The following RHOBTB1 variants were observed in gnomAD, a reference collection of about 807,000 sequenced individuals.
RHOBTB1 encodes rho-related BTB domain-containing protein 1.
Under a neutral mutation model 71.6 loss-of-function variants are expected in RHOBTB1, and 40 were observed. The ratio of observed to expected loss-of-function variants is 0.56; its 90% CI spans 0.43 to 0.73. The LOEUF (loss-of-function observed/expected upper bound fraction) is 0.73. Among genes scored for constraint, RHOBTB1 ranks in the 30% least tolerant of loss-of-function variants. The pLI is 0.00. For missense variants in RHOBTB1, 797 were observed against 894.0 expected (o/e 0.89, Z 1.38); for synonymous variants, 319 against 334.9 (o/e 0.95, Z 0.52).
At chr10:60,953,890 G>A (rs1329957944) in intron 2 of RHOBTB1, among the ~76,000 whole-genome samples, 3 of 151,988 alleles carry the variant, frequency 2.0e-5, no homozygotes, top group Admixed American at 2.0e-4. Flanking sequence ...CATTAATGAG[G>A]GACTGAGATA....
intron 2 of RHOBTB1, among the ~76,000 whole-genome samples, chr10:60,934,296 G>A (rs144490751): frequency 1.3e-5 from 2 of 152,250 alleles, no homozygotes; most frequent in East Asian, 1.9e-4. Flanking sequence ...CTGAGCAGAC[G>A]TCCCACTCAT....
intron 2 of RHOBTB1, among the ~76,000 whole-genome samples, chr10:60,962,068 A>G (rs1260444761): frequency 1.3e-5 from 2 of 152,112 alleles, no homozygotes; most frequent in Non-Finnish European, 2.9e-5. Context: ...TCGGCCTCTT[A>G]AAATGCTAGG....
chr10:60,926,198 C>A (rs1479571738), intron 2 of RHOBTB1, among the ~76,000 whole-genome samples: 3 of 152,156 alleles, frequency 2.0e-5, no homozygotes, highest in Non-Finnish European at 4.4e-5. Context: ...GATCGCACAA[C>A]TGCACTCCAG....
At chr10:60,866,880 T>C (rs10994552), downstream of RHOBTB1, among the ~76,000 whole-genome samples, 500 of 152,276 alleles carry the variant, frequency 3.3e-3, 2 homozygotes, top group African/African-American at 0.011. Flanking sequence ...CAGCATTTGG[T>C]TGAAGAGATT....
At chr10:60,895,441 G>A (rs1376740155) in intron 4 of RHOBTB1, among the ~76,000 whole-genome samples, 1 of 152,120 alleles carries the variant, frequency 6.6e-6, no homozygotes, top group African/African-American at 2.4e-5. Context: ...TTTTGCTCTT[G>A]TTGCCCAGGC....
intron 7 of RHOBTB1, among the ~76,000 whole-genome samples, chr10:60,883,279 AG>A (rs2081411035): frequency 1.3e-5 from 2 of 152,210 alleles, no homozygotes; most frequent in African/African-American, 2.4e-5. Context: ...TCTCTCCAGC[AG>A]GGTGTGCTAA....
intron 7 of RHOBTB1, among the ~76,000 whole-genome samples, chr10:60,881,940 C>G (rs1489597928): frequency 6.6e-6 from 1 of 151,958 alleles, no homozygotes; most frequent in Admixed American, 6.6e-5. Flanking sequence ...AGTGATGGCT[C>G]TTTTTGGCAA....
chr10:60,878,027 A>G lies in RHOBTB1; in HGVS notation c.1607T>C (p.Met536Thr). 1 of 1,613,008 alleles carries G rather than the reference A, an allele frequency of 6.2e-7. No individual in the cohort carries two copies. The highest frequency in any genetic ancestry group is 1.1e-5 in the South Asian group (1 of 90,776). The change falls in exon 8 of 11, where the codon ATG (methionine) becomes ACG (threonine). Residue 536 changes from methionine (M) to threonine (T), a missense_variant. Met to Thr is a moderately conservative substitution (Grantham distance 81). This residue lies in a region of RHOBTB1 where 658 missense variants were observed against 681.5 expected (regional missense o/e 0.97). Transcript: ENST00000337910. ...VYLPNINKIS[M>T]QAVLDYLYTK... ...ATAGAGATAATCCAATACTGCTTGCATTGATATCTTGTTTATGTTCGGGAG... is the reference window on the plus strand; with the variant it reads ...ATAGAGATAATCCAATACTGCTTGCGTTGATATCTTGTTTATGTTCGGGAG...
At chr10:60,938,647 A>G (rs1293628163) in intron 2 of RHOBTB1, among the ~76,000 whole-genome samples, 1 of 152,232 alleles carries the variant, frequency 6.6e-6, no homozygotes, top group Non-Finnish European at 1.5e-5. Context: ...CAAAGTAGAA[A>G]CAAACCCAGA....
At chr10:60,961,650 G>A (rs1205377950) in intron 2 of RHOBTB1, among the ~76,000 whole-genome samples, 1 of 152,016 alleles carries the variant, frequency 6.6e-6, no homozygotes, top group East Asian at 1.9e-4. Flanking sequence ...GAGATGGGGG[G>A]ACTTAACCAT....
At chr10:60,968,112 T>C (rs149609202) in intron 2 of RHOBTB1, among the ~76,000 whole-genome samples, 13 of 152,214 alleles carry the variant, frequency 8.5e-5, no homozygotes, top group Admixed American at 8.5e-4. Flanking sequence ...CAGTGCCCCA[T>C]GCTTTTCTCT....
At chr10:60,988,095 C>T (rs2086729804) in intron 1 of RHOBTB1, among the ~76,000 whole-genome samples, 1 of 151,492 alleles carries the variant, frequency 6.6e-6, no homozygotes, top group Non-Finnish European at 1.5e-5. Flanking sequence ...CCACGCCCGG[C>T]TAATTTTTTT....
chr10:60,943,645 C>A lies in RHOBTB1; in HGVS notation c.-62+326G>T, dbSNP rs181315700. Reference sequence around the variant, plus strand: ...CGAAGGGGAAGCGCCTTCTCGTCGGCGCGGCACCACCCCCTCCCTGGCGCA... The same window carrying A: ...CGAAGGGGAAGCGCCTTCTCGTCGGAGCGGCACCACCCCCTCCCTGGCGCA... On this transcript the variant is annotated intron_variant, in intron 1 of 10. Coordinates refer to ENST00000337910, the MANE Select transcript of RHOBTB1 (RefSeq NM_014836.5). 4.4e-3 allele frequency among the ~76,000 whole-genome samples: 665 copies of A among 152,322 alleles called. 2 individuals are homozygous for A. Among genetic ancestry groups the A allele is most frequent in the Non-Finnish European group, 7.3e-3 (499 of 68,024 alleles).
intron 4 of RHOBTB1, among the ~76,000 whole-genome samples, chr10:60,900,628 T>A (rs1278130059): frequency 3.3e-5 from 5 of 152,156 alleles, no homozygotes; most frequent in Non-Finnish European, 7.3e-5. Context: ...CCTCAATTAA[T>A]TTTTATTAAA....
At chr10:60,977,868 C>T (rs1043904009) in intron 2 of RHOBTB1, among the ~76,000 whole-genome samples, 1 of 151,928 alleles carries the variant, frequency 6.6e-6, no homozygotes, top group African/African-American at 2.4e-5. Context: ...AAAATAAATA[C>T]CAACTCACAC....
At chr10:60,967,273 C>G (rs1438970640) in intron 2 of RHOBTB1, among the ~76,000 whole-genome samples, 6 of 141,846 alleles carry the variant, frequency 4.2e-5, no homozygotes, top group Non-Finnish European at 9.3e-5. Context: ...TTAGGTTTTT[C>G]TTTGTTTGCC....
intron 4 of RHOBTB1, among the ~76,000 whole-genome samples, chr10:60,901,560 G>T (rs2082414404): frequency 6.6e-6 from 1 of 152,180 alleles, no homozygotes; most frequent in Non-Finnish European, 1.5e-5. Flanking sequence ...ATTATCCACT[G>T]AGGATATGCA....
At position 60,889,229 on chromosome 10, in the gene RHOBTB1, GA is replaced by G. The variant is rs761984741; in HGVS notation, c.483-45del. On this transcript the variant is annotated intron_variant, in intron 5 of 10. Coordinates refer to ENST00000337910, the MANE Select transcript of RHOBTB1 (RefSeq NM_014836.5). ...AAAATTATAATCAGCCTTGTTTTAG[GA>G]AAAAAACAGTAACAAGGGCCTATCT... is the stretch of plus-strand genomic sequence containing the variant. 10 of 1,531,750 alleles carry G rather than the reference GA, an allele frequency of 6.5e-6. No individual in the cohort carries two copies. The South Asian group carries it at 7.7e-5, about 12-fold the overall frequency. 94.9% of individuals were successfully genotyped at this position (1,531,750 alleles called of 1,614,324 possible).
intron 4 of RHOBTB1, among the ~76,000 whole-genome samples, chr10:60,897,279 A>G (rs184159534): frequency 7.9e-5 from 12 of 152,324 alleles, no homozygotes; most frequent in Admixed American, 5.9e-4. Context: ...CTTTTTTTCC[A>G]ATCTGAAATA....
Sources: gnomAD v4.1 joint callset for allele counts (sites outside exome capture counted in the v4.1 genomes callset) on GRCh38, gnomAD v4.1.1 for gene constraint, gnomAD v4.1.1 regional missense constraint, MANE v1.5 for transcripts, NCBI Gene and HGNC (gene_info 2026-07-23, HGNC 2026-07-21) for gene names.